The following FAM135B variants were observed in gnomAD, a reference collection of about 807,000 sequenced individuals.
FAM135B encodes the protein protein FAM135B.
A neutral mutation model predicts 127.7 loss-of-function variants in FAM135B; 43 were observed. The observed-to-expected ratio is 0.34, with a 90% CI of 0.26 to 0.43. FAM135B has a LOEUF of 0.43. Ranked by LOEUF, FAM135B falls within the 20% of genes least tolerant of loss-of-function variation. The probability of loss-of-function intolerance (pLI) is 1.00; values close to 1 mark genes in which losing one functional copy is unlikely to be tolerated. For missense variants in FAM135B, 1,558 were observed against 1,725.6 expected, an observed-to-expected ratio of 0.90 and a Z score of 1.72; for synonymous variants, 670 against 665.1, an observed-to-expected ratio of 1.01 and a Z score of -0.11.
intron 1 of FAM135B, among the ~76,000 whole-genome samples, chr8:138,395,431 A>T (rs1832794479): frequency 6.6e-6 from 1 of 152,052 alleles, no homozygotes; most frequent in Non-Finnish European, 1.5e-5. Context: ...GCTATGGGGG[A>T]AAGGGAAAAA....
At chr8:138,191,874 T>G (rs1314596996) in intron 9 of FAM135B, among the ~76,000 whole-genome samples, 2 of 152,300 alleles carry the variant, frequency 1.3e-5, no homozygotes, top group African/African-American at 4.8e-5. Flanking sequence ...CATGATGGTT[T>G]GCATTTTCTG....
intron 1 of FAM135B, among the ~76,000 whole-genome samples, chr8:138,393,357 G>A (rs184049663): frequency 2.6e-5 from 4 of 152,084 alleles, no homozygotes; most frequent in African/African-American, 4.8e-5. Flanking sequence ...GATTTAAAAG[G>A]GTAATCTTTG....
chr8:138,171,388 T>C (rs1218014457), intron 11 of FAM135B, among the ~76,000 whole-genome samples: 2 of 152,114 alleles, frequency 1.3e-5, no homozygotes, highest in Non-Finnish European at 2.9e-5. Context: ...CCAAAGGCAG[T>C]TGTGATGTCC....
intron 1 of FAM135B, among the ~76,000 whole-genome samples, chr8:138,449,016 C>G (rs1836345029): frequency 6.6e-6 from 1 of 152,140 alleles, no homozygotes; most frequent in Non-Finnish European, 1.5e-5. Flanking sequence ...ATTGCTGATA[C>G]AGTCCAATTG....
At chr8:138,374,056 C>G (rs915807318) in intron 1 of FAM135B, among the ~76,000 whole-genome samples, 1 of 152,164 alleles carries the variant, frequency 6.6e-6, no homozygotes. Flanking sequence ...TTCGTACACT[C>G]CCTCCCCTTT....
At position 138,132,960 on chromosome 8, in the gene FAM135B, C is replaced by A. The variant is rs934525714; in HGVS notation, c.4016-162G>T. On this transcript the variant is annotated intron_variant, in intron 19 of 19. Coordinates refer to ENST00000395297, the MANE Select transcript of FAM135B (RefSeq NM_015912.4). This position sits in a 1 kb window ranked among gnomAD's most constrained non-coding sequence, Gnocchi z 4.5. ...TAGTGAAATTAATATGAAATAAAAT[C>A]AAAGTTCTCTTTTTCTAGTCAGATG... Among the ~76,000 whole-genome samples the A allele has an allele frequency of 2.6e-5, 4 of 152,184 alleles. No homozygotes were observed. Among genetic ancestry groups the A allele is most frequent in the Non-Finnish European group, 5.9e-5 (4 of 68,034 alleles).
Position 138,160,930 on chromosome 8 carries a change from C to G in FAM135B, c.1258+6965G>C, listed in dbSNP as rs75106400. On this transcript the variant is annotated intron_variant, in intron 12 of 19. Transcript: ENST00000395297. ...TACAGAGTAAAAGACAGCTTTAGAGCCAGAAAAGCCTGATTTTCAATTCTG... is the reference window on the plus strand; with the variant it reads ...TACAGAGTAAAAGACAGCTTTAGAGGCAGAAAAGCCTGATTTTCAATTCTG... 2.3e-3 allele frequency among the ~76,000 whole-genome samples: 343 copies of G among 152,218 alleles called. 2 individuals carry two copies. The highest frequency in any genetic ancestry group is 7.8e-3 in the African/African-American group (323 of 41,540).
intron 3 of FAM135B, among the ~76,000 whole-genome samples, chr8:138,298,950 C>T (rs1254708837): frequency 1.3e-5 from 2 of 151,914 alleles, no homozygotes; most frequent in African/African-American, 2.4e-5. Context: ...ATCCCAGCTA[C>T]TCGGGAGGCT....
At chr8:138,469,891 G>C (rs1452702371) in intron 1 of FAM135B, among the ~76,000 whole-genome samples, 1 of 152,140 alleles carries the variant, frequency 6.6e-6, no homozygotes, top group African/African-American at 2.4e-5. Context: ...ATAAATGCAA[G>C]GCAACTAGCA....
intron 1 of FAM135B, among the ~76,000 whole-genome samples, chr8:138,421,613 A>G (rs961429213): frequency 7.2e-5 from 11 of 152,316 alleles, no homozygotes; most frequent in African/African-American, 2.6e-4. Context: ...AAGAATTACA[A>G]AAACTGCTGA....
chr8:138,257,998 TCTACCACCATTCA>T (rs1822237590), intron 4 of FAM135B, among the ~76,000 whole-genome samples: 1 of 152,158 alleles, frequency 6.6e-6, no homozygotes, highest in African/African-American at 2.4e-5. Context: ...TGCTGTCCCG[TCTACCACCATTCA>T]CAGTATTCAC....
intron 3 of FAM135B, among the ~76,000 whole-genome samples, chr8:138,302,945 G>C (rs1825993261): frequency 6.6e-6 from 1 of 152,246 alleles, no homozygotes; most frequent in Admixed American, 6.5e-5. Context: ...ACAGATGCTG[G>C]AGAGGTTGTG....
At chr8:138,327,486 T>G (rs941940435) in intron 2 of FAM135B, among the ~76,000 whole-genome samples, 2 of 152,162 alleles carry the variant, frequency 1.3e-5, no homozygotes, top group Admixed American at 1.3e-4. Context: ...CCCACTGAAA[T>G]GTCACTTGGG....
intron 3 of FAM135B, among the ~76,000 whole-genome samples, chr8:138,282,318 C>G (rs1046138441): frequency 6.6e-6 from 1 of 151,960 alleles, no homozygotes; most frequent in African/African-American, 2.4e-5. Context: ...AAGAGAAGAA[C>G]TGATAAGCTA....
intron 7 of FAM135B, among the ~76,000 whole-genome samples, chr8:138,220,748 A>T (rs536623889): frequency 6.6e-6 from 1 of 152,298 alleles, no homozygotes; most frequent in African/African-American, 2.4e-5. Context: ...CTGTGTTCAT[A>T]TTGCCAGTGT....
At position 138,290,658 on chromosome 8, in the gene FAM135B, T is replaced by C. The variant is rs1166663640; in HGVS notation, c.157+20183A>G. On this transcript the variant is annotated intron_variant, in intron 3 of 19. Coordinates refer to ENST00000395297, the MANE Select transcript of FAM135B (RefSeq NM_015912.4). ...ATGGTTTATTTTCTCATTGTAGCAGTGTTGGGTTATGGGAGCAGAACCTGC... is the reference window on the plus strand; with the variant it reads ...ATGGTTTATTTTCTCATTGTAGCAGCGTTGGGTTATGGGAGCAGAACCTGC... Among the ~76,000 whole-genome samples the C allele has an allele frequency of 2.0e-5, 3 of 152,090 alleles. No homozygotes were observed. In the East Asian group the frequency reaches 5.8e-4, roughly 29 times the overall value.
At position 138,174,432 on chromosome 8, in the gene FAM135B, C is replaced by A. The variant is rs541998385; in HGVS notation, c.1103+2915G>T. On this transcript the variant is annotated intron_variant, in intron 11 of 19. Transcript: ENST00000395297. ...ACGCACAGGTGCCAGCCCTGCATAG[C>A]CCCTCTTCACTATCTCACAGTAAGC... Among the ~76,000 whole-genome samples the A allele has an allele frequency of 9.9e-5, 15 of 152,254 alleles. No homozygotes were observed. The East Asian group carries it at 2.9e-3, about 29-fold the overall frequency.
At chr8:138,384,915 G>A (rs2131301227) in intron 1 of FAM135B, among the ~76,000 whole-genome samples, 1 of 152,118 alleles carries the variant, frequency 6.6e-6, no homozygotes, top group South Asian at 2.1e-4. Flanking sequence ...TTTCTTAGAA[G>A]TACCTCCAAT....
chr8:138,259,076 T>C (rs1312589145), intron 4 of FAM135B, among the ~76,000 whole-genome samples: 1 of 152,220 alleles, frequency 6.6e-6, no homozygotes, highest in Non-Finnish European at 1.5e-5. Context: ...CATTTACACA[T>C]GAGGAAACTG....
Sources: gnomAD v4.1 joint callset for allele counts (sites outside exome capture counted in the v4.1 genomes callset) on GRCh38, gnomAD v4.1.1 for gene constraint, Gnocchi (gnomAD v3.1) non-coding constraint, MANE v1.5 for transcripts, NCBI Gene and HGNC (gene_info 2026-07-23, HGNC 2026-07-21) for gene names.